Variants in PCMT1 observed in about 807,000 individuals in gnomAD.
PCMT1 encodes the protein protein-L-isoaspartate (D-aspartate) O-methyltransferase, also known as protein-L-isoaspartate(D-aspartate) O-methyltransferase.
In PCMT1, 9 loss-of-function variants were observed where a neutral mutation model predicts 29.2. The observed-to-expected ratio is 0.31, with a 90% CI of 0.19 to 0.54. PCMT1 has a LOEUF of 0.54. PCMT1 is among the 20% of genes least tolerant of loss of function. The pLI is 0.95. For missense variants in PCMT1, 184 were observed against 282.2 expected (o/e 0.65, Z 2.49); for synonymous variants, 98 against 97.5 (o/e 1.00, Z -0.03).
intron 1 of PCMT1, among the ~76,000 whole-genome samples, chr6:149,768,981 C>T (rs1462905451): frequency 6.6e-6 from 1 of 152,078 alleles, no homozygotes; most frequent in Admixed American, 6.6e-5. Context: ...CCTTTAAAAT[C>T]TAATAGTTTC....
Position 149,771,272 on chromosome 6 carries a change from C to T in PCMT1, c.160+6C>T, listed in dbSNP as rs1391820145. On this transcript the variant is annotated splice_donor_region_variant and intron_variant, in intron 2 of 7. Transcript: ENST00000464889. ...GGATTCTCCACAATCAATAGGTAAGCTTTAGATTTCTGAAAATATCATAGT... is the reference window on the plus strand; with the variant it reads ...GGATTCTCCACAATCAATAGGTAAGTTTTAGATTTCTGAAAATATCATAGT... 3 of 1,492,058 alleles carry T rather than the reference C, an allele frequency of 2.0e-6. No individual in the cohort carries two copies. Among genetic ancestry groups the T allele is most frequent in the Non-Finnish European group, 2.8e-6 (3 of 1,075,682 alleles). The allele number at this position is 1,492,058 out of a possible 1,614,324, so 92.4% of individuals were successfully genotyped here. A position where few individuals can be genotyped will look rare whatever the true frequency, so the allele number is the denominator to read the frequency against.
At chr6:149,804,066 G>A (rs992498678) in intron 7 of PCMT1, among the ~76,000 whole-genome samples, 2 of 127,046 alleles carry the variant, frequency 1.6e-5, no homozygotes, top group South Asian at 4.8e-4. Context: ...GGGTGACAGA[G>A]CGAGACTCTG....
chr6:149,758,177 C>T (rs1200090018), intron 1 of PCMT1, among the ~76,000 whole-genome samples: 1 of 129,422 alleles, frequency 7.7e-6, no homozygotes, highest in African/African-American at 3.0e-5. Flanking sequence ...AGCCACTGCG[C>T]CCAACCAATT....
chr6:149,778,414 A>T (rs1787666825), intron 3 of PCMT1, among the ~76,000 whole-genome samples: 1 of 150,824 alleles, frequency 6.6e-6, no homozygotes, highest in Non-Finnish European at 1.5e-5. Flanking sequence ...TTTTTAGTAG[A>T]GATGGGATTT....
Position 149,764,597 on chromosome 6 carries a change from G to A in PCMT1, c.56-6565G>A, listed in dbSNP as rs146479410. Among the ~76,000 whole-genome samples, 544 of 152,124 alleles carry A rather than the reference G, an allele frequency of 3.6e-3. 2 individuals are homozygous for A. The highest frequency in any genetic ancestry group is 0.012 in the African/African-American group (516 of 41,504). ...AAAAAAAAACTTTTAAAAATTAGCC[G>A]AGTGTGGTGGCATGCACATGTAGGC... is the stretch of plus-strand genomic sequence containing the variant. On this transcript the variant is annotated intron_variant, in intron 1 of 7. Transcript: ENST00000464889.
intron 7 of PCMT1, chr6:149,809,937 G>A (rs576004485): frequency 6.6e-6 from 1 of 152,190 alleles, no homozygotes; most frequent in East Asian, 1.9e-4. Context: ...TTCTCTCGTG[G>A]TTTTATTCAT....
intron 2 of PCMT1, 101 bp from the exon 3 acceptor site, chr6:149,773,037 A>AAAC: frequency 1.1e-6 from 1 of 907,890 alleles, no homozygotes; most frequent in Admixed American, 2.4e-5. Context: ...AAAAAAAAAG[A>AAAC]ATTATTGTGA....
chr6:149,784,348 C>A (rs1480893168), intron 3 of PCMT1, among the ~76,000 whole-genome samples: 1 of 152,128 alleles, frequency 6.6e-6, no homozygotes, highest in African/African-American at 2.4e-5. Context: ...AACACAACTT[C>A]TTATTATGGA....
In PCMT1 at chr6:149,761,303, ACTAT is replaced by A. The variant is rs1371269725; in HGVS notation, c.56-9854_56-9851del. Among the ~76,000 whole-genome samples the A allele has an allele frequency of 2.6e-5, 4 of 152,154 alleles. No individual in the cohort carries two copies. The South Asian group carries it at 6.2e-4, about 24-fold the overall frequency. On this transcript the variant is annotated intron_variant, in intron 1 of 7. Transcript: ENST00000464889. ...TGTACATATATATATACACATACAT[ACTAT>A]CTATGATAGGAGAATTGAGAATATT...
intron 3 of PCMT1, among the ~76,000 whole-genome samples, chr6:149,787,745 C>T (rs1197114590): frequency 1.3e-5 from 2 of 152,120 alleles, no homozygotes; most frequent in Non-Finnish European, 2.9e-5. Context: ...CTTTTGTCCA[C>T]ACAGTCTTAC....
chr6:149,795,356 C>A, intron 5 of PCMT1: 1 of 392,790 alleles, frequency 2.5e-6, no homozygotes, highest in South Asian at 2.4e-5. Context: ...ACTAGTCAGT[C>A]AAGTTTAGAT....
At chr6:149,785,833 C>A (rs535179798) in intron 3 of PCMT1, among the ~76,000 whole-genome samples, 1 of 152,202 alleles carries the variant, frequency 6.6e-6, no homozygotes, top group Non-Finnish European at 1.5e-5. Flanking sequence ...GGCAACCATC[C>A]GATTTCTCAA....
At chr6:149,756,331 GAA>G (rs57379338) in intron 1 of PCMT1, among the ~76,000 whole-genome samples, 1 of 148,446 alleles carries the variant, frequency 6.7e-6, no homozygotes, top group South Asian at 2.1e-4. Flanking sequence ...GTTGCTAGTA[GAA>G]AAGAGCATTT....
At chr6:149,750,226 G>T (rs1043173861) in intron 1 of PCMT1, 2 of 545,026 alleles carry the variant, frequency 3.7e-6, no homozygotes, top group Non-Finnish European at 6.5e-6. Flanking sequence ...GCAGGCCCTG[G>T]GGGAGGGAGT....
chr6:149,793,540 C>A lies in PCMT1; in HGVS notation c.298-9C>A. The A allele has an allele frequency of 6.9e-7, 1 of 1,455,104 alleles. No homozygotes were observed. Among genetic ancestry groups the A allele is most frequent in the South Asian group, 1.6e-5 (1 of 60,698 alleles). 90.1% of individuals were successfully genotyped at this position (1,455,104 alleles called of 1,614,324 possible). A position where few individuals can be genotyped will look rare whatever the true frequency, so the allele number is the denominator to read the frequency against. ...CCAATGAGCTACTGAATTGTTTTCT[C>A]TTTTCCAGGTTGGATGTACTGGAAA... On this transcript the variant is annotated splice_polypyrimidine_tract_variant and intron_variant, in intron 4 of 7. Coordinates refer to ENST00000464889, the MANE Select transcript of PCMT1 (RefSeq NM_001360452.2).
chr6:149,751,219 A>T (rs1786301653), intron 1 of PCMT1, among the ~76,000 whole-genome samples: 1 of 152,150 alleles, frequency 6.6e-6, no homozygotes, highest in African/African-American at 2.4e-5. Context: ...TGTGAGGCTG[A>T]GGCAGGAGAA....
chr6:149,771,523 C>A (rs1370974131), intron 2 of PCMT1, among the ~76,000 whole-genome samples: 1 of 151,876 alleles, frequency 6.6e-6, no homozygotes, highest in Non-Finnish European at 1.5e-5. Context: ...GTGAAAAAAA[C>A]TTTTGTATTT....
chr6:149,753,639 T>TTTTTG (rs1000448708), intron 1 of PCMT1, among the ~76,000 whole-genome samples: 6 of 152,214 alleles, frequency 3.9e-5, no homozygotes, highest in South Asian at 4.1e-4. Flanking sequence ...CCAATAGTTT[T>TTTTTG]TTTTGTTTTG....
chr6:149,764,776 G>A (rs1310817548), intron 1 of PCMT1, among the ~76,000 whole-genome samples: 1 of 150,498 alleles, frequency 6.6e-6, no homozygotes, highest in Non-Finnish European at 1.5e-5. Context: ...CGCGGTGGCT[G>A]AACGCCTTTA....
Sources: gnomAD v4.1 joint callset for allele counts (sites outside exome capture counted in the v4.1 genomes callset) on GRCh38, gnomAD v4.1.1 for gene constraint, MANE v1.5 for transcripts, NCBI Gene and HGNC (gene_info 2026-07-23, HGNC 2026-07-21) for gene names.